The following RFTN2 variants were observed in gnomAD, a reference collection of about 807,000 sequenced individuals.
The protein encoded by RFTN2 is raftlin-2.
A neutral mutation model predicts 52.7 loss-of-function variants in RFTN2; 34 were observed. That is an observed-to-expected ratio of 0.64 (90% CI 0.49 to 0.86). The LOEUF is 0.86. Among genes scored for constraint, RFTN2 ranks in the 40% least tolerant of loss-of-function variants. The probability of loss-of-function intolerance (pLI) is 0.00; values close to 1 mark genes in which losing one functional copy is unlikely to be tolerated. For missense variants in RFTN2, 536 were observed against 600.1 expected (o/e 0.89, Z 1.12); for synonymous variants, 203 against 217.7 (o/e 0.93, Z 0.59).
At chr2:197,614,442 T>G (rs2088109942) in intron 7 of RFTN2, among the ~76,000 whole-genome samples, 1 of 152,154 alleles carries the variant, frequency 6.6e-6, no homozygotes, top group Non-Finnish European at 1.5e-5. Context: ...GCACAATCAC[T>G]GTCCTCAATT....
intron 7 of RFTN2, among the ~76,000 whole-genome samples, chr2:197,606,781 T>C (rs2087968728): frequency 6.6e-6 from 1 of 151,180 alleles, no homozygotes; most frequent in Admixed American, 6.6e-5. Context: ...CACAATGAGA[T>C]ACCATCTCAC....
intron 1 of RFTN2, among the ~76,000 whole-genome samples, chr2:197,659,945 T>A (rs1359157167): frequency 6.6e-6 from 1 of 152,258 alleles, no homozygotes; most frequent in Non-Finnish European, 1.5e-5. Flanking sequence ...GCATATTTTG[T>A]GCGAGCCAAT....
At chr2:197,629,644 A>C (rs1042420330) in intron 5 of RFTN2, among the ~76,000 whole-genome samples, 10 of 150,902 alleles carry the variant, frequency 6.6e-5, no homozygotes, top group African/African-American at 2.2e-4. Flanking sequence ...TCCAATAACC[A>C]AAAAATATGA....
chr2:197,616,003 C>CAT, intron 6 of RFTN2, 24 bp from the exon 7 acceptor site: 5 of 1,407,900 alleles, frequency 3.6e-6, no homozygotes, highest in Middle Eastern at 1.7e-4. Context: ...TATAAGAGCT[C>CAT]ATAGTCTAAT....
rs544180937 is a variant in RFTN2 at position 197,658,120 on chromosome 2, G to A, written c.140-11454C>T. Among the ~76,000 whole-genome samples, 7 of 151,730 alleles carry A rather than the reference G, an allele frequency of 4.6e-5. No homozygotes were observed. In the South Asian group the frequency reaches 1.5e-3, roughly 32 times the overall value. On this transcript the variant is annotated intron_variant, in intron 1 of 8. Coordinates refer to ENST00000295049, the MANE Select transcript of RFTN2 (RefSeq NM_144629.3). The stretch of plus-strand genomic sequence containing the variant: ...CTTATGCTGGGGCAGTAATATCAGA[G>A]CCTCTATTATGTTTTTTTCCCCCTC...
chr2:197,632,306 G>A (rs1002514593), intron 4 of RFTN2, among the ~76,000 whole-genome samples: 1 of 152,218 alleles, frequency 6.6e-6, no homozygotes, highest in Non-Finnish European at 1.5e-5. Flanking sequence ...TGTTGTGGGA[G>A]GGATCAGATA....
chr2:197,583,104 T>C (rs187404792), intron 8 of RFTN2, among the ~76,000 whole-genome samples: 4 of 152,336 alleles, frequency 2.6e-5, no homozygotes, highest in African/African-American at 9.6e-5. Flanking sequence ...TTAGCCCGCC[T>C]CTTAGAACCT....
chr2:197,625,663 TCTCTCCTCTC>T (rs745983424), intron 5 of RFTN2, among the ~76,000 whole-genome samples: 3,967 of 47,392 alleles, frequency 0.084, 186 homozygotes, highest in African/African-American at 0.1. Flanking sequence ...AAGAAATTCC[TCTCTCCTCTC>T]CTCTCCTCTC....
intron 5 of RFTN2, 29 bp downstream of exon 5, chr2:197,630,982 A>C: frequency 7.0e-7 from 1 of 1,419,118 alleles, no homozygotes; most frequent in Non-Finnish European, 9.9e-7. Context: ...AATTCCTCAG[A>C]TATAAAATAT....
chr2:197,593,746 G>C (rs2087752716), intron 8 of RFTN2, among the ~76,000 whole-genome samples: 1 of 151,922 alleles, frequency 6.6e-6, no homozygotes, highest in East Asian at 2.0e-4. Context: ...AATTAGCTGG[G>C]CCTGGTGGTG....
At chr2:197,670,350 A>G (rs1304533601) in intron 1 of RFTN2, among the ~76,000 whole-genome samples, 2 of 152,176 alleles carry the variant, frequency 1.3e-5, no homozygotes, top group African/African-American at 4.8e-5. Flanking sequence ...TTCTATGAAC[A>G]TTCTTGTAGT....
Position 197,633,711 on chromosome 2 carries a change from C to A in RFTN2, c.718+7G>T. 6.2e-7 allele frequency: 1 copy of A among 1,611,040 alleles called. No homozygotes were observed. The highest frequency in any genetic ancestry group is 1.3e-5 in the African/African-American group (1 of 74,926). ...TATATTCTCTTTCTACTAATCTTGT[C>A]TATTACCTTCTCCCTTTCTTGATTT... On this transcript the variant is annotated splice_region_variant and intron_variant, in intron 4 of 8. Coordinates refer to ENST00000295049, the MANE Select transcript of RFTN2 (RefSeq NM_144629.3).
At chr2:197,661,411 A>G (rs2088974993) in intron 1 of RFTN2, among the ~76,000 whole-genome samples, 1 of 151,672 alleles carries the variant, frequency 6.6e-6, no homozygotes, top group Non-Finnish European at 1.5e-5. Context: ...TTAAATATAT[A>G]TATACATATA....
chr2:197,630,479 T>G (rs1356202150), intron 5 of RFTN2, among the ~76,000 whole-genome samples: 1 of 152,162 alleles, frequency 6.6e-6, no homozygotes, highest in Non-Finnish European at 1.5e-5. Flanking sequence ...AATTACATAC[T>G]CCACTGTAAC....
chr2:197,650,152 C>T (rs903220212), intron 1 of RFTN2, among the ~76,000 whole-genome samples: 1 of 151,696 alleles, frequency 6.6e-6, no homozygotes, highest in Admixed American at 6.6e-5. Context: ...CAAAAATTTG[C>T]CATTTTAACC....
chr2:197,590,438 T>C lies in RFTN2; in HGVS notation c.1233+5553A>G, dbSNP rs1032013699. The stretch of plus-strand genomic sequence containing the variant: ...AAAACAAATTCCAAAAGTAAAGGTC[T>C]CCATAACTTCCGAAGAAAAAAATCC... On this transcript the variant is annotated intron_variant, in intron 8 of 8. Transcript: ENST00000295049. 3.3e-5 allele frequency among the ~76,000 whole-genome samples: 5 copies of C among 152,280 alleles called. No homozygotes were observed. In the South Asian group the frequency reaches 8.3e-4, roughly 25 times the overall value.
At chr2:197,585,291 C>G (rs968761982) in intron 8 of RFTN2, among the ~76,000 whole-genome samples, 1 of 152,166 alleles carries the variant, frequency 6.6e-6, no homozygotes, top group Non-Finnish European at 1.5e-5. Flanking sequence ...AACTTGTCAT[C>G]CCTACTGTCT....
rs750346710 is a variant in RFTN2, at chr2:197,644,157, C to G, written c.438+1G>C. ...CATGAAAAAGTGCATAAATTTAGTA[C>G]CTTTTCTATCAGTTCTTTTGCTGCG... On this transcript the variant is annotated splice_donor_variant, in intron 3 of 8. Transcript: ENST00000295049. LOFTEE classifies it high-confidence loss of function. The G allele has an allele frequency of 2.6e-6, 4 of 1,553,574 alleles. No individual in the cohort carries two copies. Among genetic ancestry groups the G allele is most frequent in the Non-Finnish European group, 2.7e-6 (3 of 1,125,012 alleles).
chr2:197,588,325 T>C (rs889602327), intron 8 of RFTN2, among the ~76,000 whole-genome samples: 20 of 152,332 alleles, frequency 1.3e-4, no homozygotes, highest in Middle Eastern at 3.4e-3. Context: ...CCAAGTTATG[T>C]GTATCAGTAA....
Sources: allele counts gnomAD v4.1 joint callset (sites outside exome capture counted in the v4.1 genomes callset), GRCh38; gene constraint gnomAD v4.1.1; transcripts MANE v1.5; gene names NCBI Gene and HGNC (gene_info 2026-07-23, HGNC 2026-07-21).